CLASP2: variants seen among roughly 807,000 people sequenced by gnomAD.
CLASP2 encodes the protein cytoplasmic linker associated protein 2.
In CLASP2, 47 loss-of-function variants were observed where a neutral mutation model predicts 194.4. The observed-to-expected ratio is 0.24, with a 90% confidence interval of 0.19 to 0.31. The LOEUF is 0.31. Among genes scored for constraint, CLASP2 ranks in the 10% least tolerant of loss-of-function variants. CLASP2 has a pLI of 1.00. For synonymous variants in CLASP2, 619 were observed against 633.5 expected, an observed-to-expected ratio of 0.98 and a Z score of 0.34; for missense variants, 1,445 against 1,823.6, an observed-to-expected ratio of 0.79 and a Z score of 3.78.
intron 26 of CLASP2, among the ~76,000 whole-genome samples, chr3:33,570,146 C>T (rs1413503611): frequency 6.9e-6 from 1 of 145,090 alleles, no homozygotes; most frequent in Non-Finnish European, 1.5e-5. Context: ...TTTCACAGTA[C>T]ACATGCACAT....
chr3:33,593,232 C>T (rs887229758), intron 20 of CLASP2, among the ~76,000 whole-genome samples: 1 of 152,172 alleles, frequency 6.6e-6, no homozygotes, highest in East Asian at 1.9e-4. Context: ...AGCAGCATGT[C>T]TGTCAAGTGC....
chr3:33,645,190 T>C (rs1482540978), intron 7 of CLASP2: 1 of 755,652 alleles, frequency 1.3e-6, no homozygotes, highest in Admixed American at 1.7e-5. Flanking sequence ...TTTTTCATGT[T>C]TTTGCTACTC....
In CLASP2 at chr3:33,581,889, C is replaced by T; in HGVS notation, c.2279G>A (p.Gly760Glu). ...SRIPRPSVSQ[G>E]CSREASRESS... is the part of the protein sequence containing the mutation. ...CTCCCGACTAGCTTCCCGGCTGCAT[C>T]CTTGACTCACACTTGGTCGAGGAAT... is the stretch of plus-strand genomic sequence containing the variant. The change falls in exon 23 of 39, where the codon GGA (glycine) becomes GAA (glutamate). Residue 760 changes from glycine to glutamate, a missense_variant. By Grantham distance (98) the Gly-to-Glu change is moderately conservative (BLOSUM62 -2). Transcript: ENST00000682230. 6.2e-7 allele frequency: 1 copy of T among 1,613,752 alleles called. No individual in the cohort carries two copies. The highest frequency in any genetic ancestry group is 8.5e-7 in the Non-Finnish European group (1 of 1,179,798).
chr3:33,659,598 T>C (rs1191034649), intron 7 of CLASP2: 1 of 180,908 alleles, frequency 5.5e-6, no homozygotes, highest in African/African-American at 2.4e-5. Context: ...GCAGGAAGCA[T>C]TTCTGGCTGC....
intron 34 of CLASP2, among the ~76,000 whole-genome samples, chr3:33,521,057 T>C (rs2052924906): frequency 6.6e-6 from 1 of 152,074 alleles, no homozygotes; most frequent in Non-Finnish European, 1.5e-5. Flanking sequence ...GATGGGGACA[T>C]GTTAGAAGAA....
chr3:33,520,908 T>A (rs186013123), intron 34 of CLASP2, among the ~76,000 whole-genome samples: 2 of 150,962 alleles, frequency 1.3e-5, no homozygotes, highest in Admixed American at 1.3e-4. Flanking sequence ...CAGTGACATA[T>A]CACTAACAGT....
chr3:33,571,898 T>C (rs150803328), intron 25 of CLASP2, among the ~76,000 whole-genome samples: 2 of 152,282 alleles, frequency 1.3e-5, no homozygotes, highest in Admixed American at 1.3e-4. Flanking sequence ...AATACAAAGT[T>C]ACCAAATACA....
chr3:33,552,561 T>G (rs530799687), intron 29 of CLASP2, among the ~76,000 whole-genome samples: 2 of 151,848 alleles, frequency 1.3e-5, no homozygotes, highest in Non-Finnish European at 3.0e-5. Context: ...AAATCTATTC[T>G]CTTGGCAATT....
chr3:33,546,945 C>T (rs2059241064), intron 30 of CLASP2, among the ~76,000 whole-genome samples: 1 of 152,132 alleles, frequency 6.6e-6, no homozygotes, highest in Admixed American at 6.5e-5. Flanking sequence ...GAATCCACTG[C>T]CAAATCGGAG....
intron 6 of CLASP2, 21 bp from the exon 7 acceptor site, chr3:33,663,536 G>C: frequency 6.5e-7 from 1 of 1,544,934 alleles, no homozygotes; most frequent in Non-Finnish European, 8.9e-7. Context: ...AGAATAAATT[G>C]GGTTTGTTTG....
chr3:33,607,560 T>G lies in CLASP2; in HGVS notation c.1449-99A>C. 4.4e-6 allele frequency: 3 copies of G among 680,230 alleles called. 1 individual carries two copies. The South Asian group carries it at 8.3e-5, about 19-fold the overall frequency. 42.1% of individuals were successfully genotyped at this position (680,230 alleles called of 1,614,324 possible). ...ATGTTACATATTAATCACAAACAGG[T>G]AGGCGAGGAAAATAAAAATTAATTA... On this transcript the variant is annotated intron_variant, in intron 14 of 38. Transcript: ENST00000682230.
At chr3:33,600,338 G>C (rs956743720) in intron 18 of CLASP2, among the ~76,000 whole-genome samples, 5 of 152,134 alleles carry the variant, frequency 3.3e-5, no homozygotes, top group Non-Finnish European at 7.4e-5. Flanking sequence ...CAGGTAGGAT[G>C]TTAGCTGTGG....
chr3:33,701,465 A>C (rs1048988970), intron 1 of CLASP2, among the ~76,000 whole-genome samples: 1 of 152,192 alleles, frequency 6.6e-6, no homozygotes, highest in Non-Finnish European at 1.5e-5. Flanking sequence ...CCATGGTGGC[A>C]CAGGCATATA....
intron 12 of CLASP2, among the ~76,000 whole-genome samples, chr3:33,616,608 A>G (rs2076207584): frequency 6.6e-6 from 1 of 152,112 alleles, no homozygotes; most frequent in South Asian, 2.1e-4. Flanking sequence ...GAACAGCAGG[A>G]AATTTCCATA....
At chr3:33,627,451 G>C (rs527564276) in intron 9 of CLASP2, among the ~76,000 whole-genome samples, 35 of 152,180 alleles carry the variant, frequency 2.3e-4, no homozygotes, top group African/African-American at 7.9e-4. Context: ...ATTACAAAAA[G>C]GACATGTTAT....
intron 6 of CLASP2, among the ~76,000 whole-genome samples, chr3:33,678,537 T>A (rs1445719239): frequency 1.3e-5 from 2 of 152,156 alleles, no homozygotes; most frequent in Non-Finnish European, 2.9e-5. Context: ...AATCTAGAAT[T>A]CTATACCCAG....
rs1463395420 is a variant in CLASP2 at position 33,607,437 on chromosome 3, A to C, written c.1473T>G (p.Thr491=). ...LERHAAVLVE[T]IKKGIHDADA... ...CAGCATCATGAATTCCCTTTTTAAT[A>C]GTTTCAACCAAGACGGCTGCATGTC... is the stretch of plus-strand genomic sequence containing the variant. Residue 491 remains threonine (T), a synonymous_variant, in exon 15 of 39, where the codon ACT becomes ACG. Coordinates refer to ENST00000682230, the MANE Select transcript of CLASP2 (RefSeq NM_001365631.1). 6 of 1,609,976 alleles carry C rather than the reference A, an allele frequency of 3.7e-6. No homozygotes were observed. In the South Asian group the frequency reaches 6.7e-5, roughly 18 times the overall value.
At chr3:33,611,257 T>C (rs572163732) in intron 13 of CLASP2, among the ~76,000 whole-genome samples, 1 of 152,320 alleles carries the variant, frequency 6.6e-6, no homozygotes, top group African/African-American at 2.4e-5. Flanking sequence ...CAACCTCAAG[T>C]TGGCATCACC....
Position 33,496,470 on chromosome 3 carries a change from CAACT to C in CLASP2, c.*2157_*2160del, listed in dbSNP as rs1470388576. 17 of 152,236 alleles carry C rather than the reference CAACT, an allele frequency of 1.1e-4. No homozygotes were observed. In the Middle Eastern group the frequency reaches 0.01, roughly 91 times the overall value. The allele number at this position is 152,236 out of a possible 1,614,324, so 9.4% of individuals were successfully genotyped here. A position where few individuals can be genotyped will look rare whatever the true frequency, so the allele number is the denominator to read the frequency against. ...ATAATCAGCTTTCTTATAGTCTTAT[CAACT>C]GAGATTATAAAATTGTAAACACAAT... is the stretch of plus-strand genomic sequence containing the variant. On this transcript the variant is annotated 3_prime_UTR_variant, in exon 39 of 39. Coordinates refer to ENST00000682230, the MANE Select transcript of CLASP2 (RefSeq NM_001365631.1).
Sources: gnomAD v4.1 joint callset for allele counts (sites outside exome capture counted in the v4.1 genomes callset) on GRCh38, gnomAD v4.1.1 for gene constraint, MANE v1.5 for transcripts, NCBI Gene and HGNC (gene_info 2026-07-23, HGNC 2026-07-21) for gene names.